Variants in CSGALNACT2 observed in about 807,000 individuals in gnomAD.
CSGALNACT2 encodes beta 4 GalNAcT-2.
A neutral mutation model predicts 55.3 loss-of-function variants in CSGALNACT2; 35 were observed. That is an observed-to-expected ratio of 0.63 (90% CI 0.48 to 0.84). The LOEUF is 0.84. CSGALNACT2 is among the 40% of genes least tolerant of loss of function. CSGALNACT2 has a pLI of 0.00. For missense variants in CSGALNACT2, 544 were observed against 657.5 expected, an observed-to-expected ratio of 0.83 and a Z score of 1.89; for synonymous variants, 196 against 224.9, an observed-to-expected ratio of 0.87 and a Z score of 1.15.
At chr10:43,171,751 A>G (rs1177343983) in intron 6 of CSGALNACT2, among the ~76,000 whole-genome samples, 1 of 152,190 alleles carries the variant, frequency 6.6e-6, no homozygotes, top group South Asian at 2.1e-4. Flanking sequence ...AAGTTTAAGC[A>G]CTTCAAGTTC....
intron 1 of CSGALNACT2, among the ~76,000 whole-genome samples, chr10:43,143,493 A>ATGTGTG (rs3983257): frequency 0.03 from 4,297 of 141,930 alleles, 83 homozygotes; most frequent in Middle Eastern, 0.043. Context: ...CTCTCCAAAA[A>ATGTGTG]TGTGTGTGTG....
intron 6 of CSGALNACT2, among the ~76,000 whole-genome samples, chr10:43,174,809 C>T (rs1056727015): frequency 2.6e-5 from 4 of 152,304 alleles, no homozygotes; most frequent in African/African-American, 7.2e-5. Context: ...CAAACAAAGG[C>T]GCTTTGATGG....
chr10:43,173,933 C>T (rs186839751), intron 6 of CSGALNACT2, among the ~76,000 whole-genome samples: 106 of 152,226 alleles, frequency 7.0e-4, no homozygotes, highest in Admixed American at 2.4e-3. Context: ...CTGGAGGTTG[C>T]AGTGAGCCAA....
intron 1 of CSGALNACT2, among the ~76,000 whole-genome samples, chr10:43,147,732 A>G (rs1208976557): frequency 7.0e-6 from 1 of 142,534 alleles, no homozygotes; most frequent in Non-Finnish European, 1.5e-5. Flanking sequence ...GGCCATTTAT[A>G]TATCTTCTTT....
chr10:43,183,596 C>T lies in CSGALNACT2; in HGVS notation c.*54C>T. ...CCACAAAACAGCACTATTTATTTAG[C>T]CTTACTTCTACTTCCAGATGCAGTG... On this transcript the variant is annotated 3_prime_UTR_variant, in exon 8 of 8. Coordinates refer to ENST00000374466, the MANE Select transcript of CSGALNACT2 (RefSeq NM_018590.5). 1 of 1,449,802 alleles carries T rather than the reference C, an allele frequency of 6.9e-7. No homozygotes were observed. The highest frequency in any genetic ancestry group is 9.6e-7 in the Non-Finnish European group (1 of 1,040,842). 89.8% of individuals were successfully genotyped at this position (1,449,802 alleles called of 1,614,324 possible).
At chr10:43,177,383 A>G (rs183602281) in intron 7 of CSGALNACT2, among the ~76,000 whole-genome samples, 7 of 152,262 alleles carry the variant, frequency 4.6e-5, no homozygotes, top group Non-Finnish European at 1.5e-5. Context: ...TTTCACCCCA[A>G]AAAGAAATCC....
At chr10:43,160,712 T>G (rs1207983292) in intron 4 of CSGALNACT2, 117 bp downstream of exon 4, 2 of 650,942 alleles carry the variant, frequency 3.1e-6, no homozygotes, top group Non-Finnish European at 5.4e-6. Context: ...TGGCTGAGCA[T>G]GTGGGCGGTG....
chr10:43,160,682 A>G, intron 4 of CSGALNACT2, 87 bp downstream of exon 4: 2 of 703,512 alleles, frequency 2.8e-6, no homozygotes, highest in Admixed American at 2.5e-5. Flanking sequence ...AATAATTTTT[A>G]GTAACTATTA....
intron 1 of CSGALNACT2, among the ~76,000 whole-genome samples, chr10:43,140,054 C>T (rs1029405463): frequency 4.6e-5 from 7 of 152,138 alleles, no homozygotes; most frequent in Admixed American, 2.6e-4. Context: ...ATTAGCCAGG[C>T]GTGGTGGCGG....
At chr10:43,146,433 T>C (rs1218048898) in intron 1 of CSGALNACT2, among the ~76,000 whole-genome samples, 1 of 152,244 alleles carries the variant, frequency 6.6e-6, no homozygotes, top group Non-Finnish European at 1.5e-5. Flanking sequence ...GCTGAGTAGA[T>C]GGTGCCCAAC....
At chr10:43,180,195 T>C (rs1839563306) in intron 7 of CSGALNACT2, among the ~76,000 whole-genome samples, 2 of 152,266 alleles carry the variant, frequency 1.3e-5, no homozygotes, top group African/African-American at 4.8e-5. Flanking sequence ...ACTCTTTATT[T>C]GGAGCTTCTG....
At chr10:43,157,547 G>A (rs997938013) in intron 2 of CSGALNACT2, among the ~76,000 whole-genome samples, 1 of 152,184 alleles carries the variant, frequency 6.6e-6, no homozygotes, top group African/African-American at 2.4e-5. Flanking sequence ...CTTGTCACCT[G>A]TACATTCATA....
chr10:43,180,408 C>G (rs1839567931), intron 7 of CSGALNACT2, among the ~76,000 whole-genome samples: 1 of 152,152 alleles, frequency 6.6e-6, no homozygotes, highest in African/African-American at 2.4e-5. Flanking sequence ...ATGAACCCAT[C>G]TAAGGCATTC....
chr10:43,174,211 A>C (rs963455254), intron 6 of CSGALNACT2, among the ~76,000 whole-genome samples: 1 of 152,042 alleles, frequency 6.6e-6, no homozygotes, highest in Non-Finnish European at 1.5e-5. Flanking sequence ...GCTCAAAAAA[A>C]AAAAAATTGA....
At chr10:43,148,473 AT>A (rs981090425) in intron 1 of CSGALNACT2, among the ~76,000 whole-genome samples, 1 of 152,214 alleles carries the variant, frequency 6.6e-6, no homozygotes, top group Admixed American at 6.5e-5. Context: ...CTGTACATTA[AT>A]TGGGGAATAT....
At position 43,155,307 on chromosome 10, in the gene CSGALNACT2, G is replaced by A. The variant is rs1838970694; in HGVS notation, c.158G>A (p.Gly53Asp). Residue 53 changes from glycine to aspartate, a missense_variant, in exon 2 of 8, where the codon GGT (glycine) becomes GAT (aspartate). Around this residue, in one of 2 missense-constraint regions of CSGALNACT2, gnomAD observed 374 missense variants for 401.3 expected, o/e 0.93. Coordinates refer to ENST00000374466, the MANE Select transcript of CSGALNACT2 (RefSeq NM_018590.5). ...CCTGGTGTTGTTGGGGAAAATTATG[G>A]TAAAGAGTATTATCAAGCCCTCCTA... Reference protein sequence around the residue: ...SLPGVVGENYGKEYYQALLQE... With the variant: ...SLPGVVGENYDKEYYQALLQE... 1 of 1,614,092 alleles carries A rather than the reference G, an allele frequency of 6.2e-7. No individual in the cohort carries two copies. The highest frequency in any genetic ancestry group is 1.1e-5 in the South Asian group (1 of 91,082).
At chr10:43,146,809 C>G (rs1298008302) in intron 1 of CSGALNACT2, among the ~76,000 whole-genome samples, 1 of 151,636 alleles carries the variant, frequency 6.6e-6, no homozygotes, top group Non-Finnish European at 1.5e-5. Flanking sequence ...ATATTCCCAT[C>G]AGCAGTGTAT....
At chr10:43,175,666 G>T (rs183998937) in intron 6 of CSGALNACT2, among the ~76,000 whole-genome samples, 1 of 152,350 alleles carries the variant, frequency 6.6e-6, no homozygotes, top group Non-Finnish European at 1.5e-5. Flanking sequence ...GGTTGATCCT[G>T]TGTGTTACAA....
chr10:43,138,666 G>T (rs1332681663), intron 1 of CSGALNACT2, 99 bp downstream of exon 1: 4 of 151,948 alleles, frequency 2.6e-5, no homozygotes, highest in Non-Finnish European at 5.9e-5. Context: ...GTGTGGTCGG[G>T]TGGGGTCGCC....
Sources: allele counts gnomAD v4.1 joint callset (sites outside exome capture counted in the v4.1 genomes callset), GRCh38; gene constraint gnomAD v4.1.1; regional missense constraint gnomAD v4.1.1; transcripts MANE v1.5; gene names NCBI Gene and HGNC (gene_info 2026-07-23, HGNC 2026-07-21).